DLG2: variants seen among roughly 807,000 people sequenced by gnomAD.
The protein encoded by DLG2 is disks large homolog 2.
In DLG2, 45 loss-of-function variants were observed where a neutral mutation model predicts 132.5. The observed-to-expected ratio is 0.34, with a 90% CI of 0.27 to 0.44. DLG2 has a LOEUF of 0.44. Ranked by LOEUF, DLG2 falls within the 20% of genes least tolerant of loss-of-function variation. DLG2 has a pLI of 1.00. For missense variants in DLG2, 1,045 were observed against 1,196.9 expected, an observed-to-expected ratio of 0.87 and a Z score of 1.87; for synonymous variants, 424 against 419.6, an observed-to-expected ratio of 1.01 and a Z score of -0.13.
rs912082995 is a variant in DLG2, at chr11:83,461,911, G to T, written c.2821+91C>A. The T allele has an allele frequency of 4.2e-5, 36 of 847,744 alleles. No individual in the cohort carries two copies. The African/African-American group carries it at 5.7e-4, about 13-fold the overall frequency. The allele number at this position is 847,744 out of a possible 1,614,324, so 52.5% of individuals were successfully genotyped here. A position where few individuals can be genotyped will look rare whatever the true frequency, so the allele number is the denominator to read the frequency against. On this transcript the variant is annotated intron_variant, in intron 27 of 27. Coordinates refer to ENST00000376104, the MANE Select transcript of DLG2 (RefSeq NM_001142699.3). ...GGATTCTCAACAGGAAGGTTTTAGG[G>T]CACAAGTACACCAGGCCCAGAACCC... is the stretch of plus-strand genomic sequence containing the variant.
intron 4 of DLG2, among the ~76,000 whole-genome samples, chr11:85,223,159 T>G (rs974183777): frequency 6.6e-6 from 1 of 152,154 alleles, no homozygotes; most frequent in African/African-American, 2.4e-5. Flanking sequence ...GTATAATCTA[T>G]TAAAAGTAGC....
chr11:85,254,425 T>C (rs1565220963), intron 4 of DLG2, among the ~76,000 whole-genome samples: 2 of 152,212 alleles, frequency 1.3e-5, no homozygotes, highest in South Asian at 4.1e-4. Context: ...AGCCCAGTCT[T>C]ACCTTTGTGT....
chr11:85,042,893 A>C (rs186697695), intron 6 of DLG2, among the ~76,000 whole-genome samples: 15 of 152,064 alleles, frequency 9.9e-5, no homozygotes, highest in Non-Finnish European at 1.3e-4. Flanking sequence ...GAAAATAACC[A>C]ATCAGAGTCT....
At chr11:85,036,982 G>A (rs2061485634) in intron 6 of DLG2, among the ~76,000 whole-genome samples, 1 of 152,160 alleles carries the variant, frequency 6.6e-6, no homozygotes, top group African/African-American at 2.4e-5. Flanking sequence ...CCAGGACTTA[G>A]ATTAGTCTGT....
chr11:83,735,401 G>A (rs1426803739), intron 18 of DLG2, among the ~76,000 whole-genome samples: 6 of 152,172 alleles, frequency 3.9e-5, no homozygotes, highest in African/African-American at 7.2e-5. Flanking sequence ...CAGTTTGGGG[G>A]CAAGATGCTT....
intron 7 of DLG2, among the ~76,000 whole-genome samples, chr11:84,508,652 G>A (rs999159507): frequency 3.9e-5 from 6 of 151,964 alleles, no homozygotes; most frequent in Non-Finnish European, 5.9e-5. Flanking sequence ...CACTCGCCTC[G>A]GCCTCCCAAA....
intron 17 of DLG2, among the ~76,000 whole-genome samples, chr11:83,833,321 T>G (rs927855676): frequency 8.5e-5 from 13 of 152,088 alleles, no homozygotes; most frequent in Non-Finnish European, 1.5e-4. Context: ...AGCTATAATC[T>G]CAGCTACTCA....
intron 18 of DLG2, among the ~76,000 whole-genome samples, chr11:83,716,796 G>T (rs2086809740): frequency 6.6e-6 from 1 of 151,958 alleles, no homozygotes; most frequent in South Asian, 2.1e-4. Context: ...AATGTATTTG[G>T]TTTTTTATAA....
At chr11:85,571,763 G>A (rs2077855782) in intron 3 of DLG2, among the ~76,000 whole-genome samples, 1 of 152,108 alleles carries the variant, frequency 6.6e-6, no homozygotes. Flanking sequence ...GTTATCTATT[G>A]CATCCAATGA....
chr11:85,466,223 C>G (rs569608355), intron 3 of DLG2, among the ~76,000 whole-genome samples: 2 of 152,024 alleles, frequency 1.3e-5, no homozygotes, highest in Non-Finnish European at 2.9e-5. Flanking sequence ...CTTTGTCAGA[C>G]GAGTAAATTG....
intron 3 of DLG2, among the ~76,000 whole-genome samples, chr11:85,324,162 T>C (rs2081277578): frequency 6.6e-6 from 1 of 152,204 alleles, no homozygotes. Flanking sequence ...ACATGGCTTC[T>C]CTGAATTATG....
chr11:85,277,330 G>A (rs1395115510), intron 4 of DLG2, among the ~76,000 whole-genome samples: 2 of 152,120 alleles, frequency 1.3e-5, no homozygotes, highest in Non-Finnish European at 2.9e-5. Flanking sequence ...GGAGAGGAAG[G>A]TCAAACATAG....
chr11:83,613,315 T>G lies in DLG2; in HGVS notation c.1940+19896A>C, dbSNP rs1317076133. On this transcript the variant is annotated intron_variant, in intron 19 of 27. Coordinates refer to ENST00000376104, the MANE Select transcript of DLG2 (RefSeq NM_001142699.3). ...GCCCAGTCATTGCTATATACACATG[T>G]GCACACACACATATGCGCACACTCA... 2.0e-5 allele frequency among the ~76,000 whole-genome samples: 3 copies of G among 152,216 alleles called. No homozygotes were observed. In the East Asian group the frequency reaches 5.8e-4, roughly 29 times the overall value.
intron 6 of DLG2, among the ~76,000 whole-genome samples, chr11:84,705,760 T>C (rs1158755641): frequency 6.6e-6 from 1 of 151,774 alleles, no homozygotes; most frequent in Non-Finnish European, 1.5e-5. Flanking sequence ...CAGTAGAAAT[T>C]ATATGCAGAT....
At chr11:85,331,533 C>G (rs2081746512) in intron 3 of DLG2, among the ~76,000 whole-genome samples, 1 of 152,044 alleles carries the variant, frequency 6.6e-6, no homozygotes, top group Admixed American at 6.6e-5. Flanking sequence ...TTGCATGCCA[C>G]TGGGATTTAG....
intron 11 of DLG2, among the ~76,000 whole-genome samples, chr11:83,999,674 C>A (rs982706773): frequency 6.6e-6 from 1 of 152,098 alleles, no homozygotes; most frequent in African/African-American, 2.4e-5. Flanking sequence ...GCTTGGCATC[C>A]CACTCCCCAG....
At position 85,473,748 on chromosome 11, in the gene DLG2, A is replaced by C. The variant is rs368559217; in HGVS notation, c.40+124909T>G. Reference sequence around the variant, plus strand: ...TAGACTTGTAGAAAAAAATACATAAATATTGGTTAAATTTAGAATTTATTG... The same window carrying C: ...TAGACTTGTAGAAAAAAATACATAACTATTGGTTAAATTTAGAATTTATTG... On this transcript the variant is annotated intron_variant, in intron 3 of 27. Transcript: ENST00000376104. Among the ~76,000 whole-genome samples the C allele has an allele frequency of 4.9e-4, 75 of 152,236 alleles. No homozygotes were observed. The South Asian group carries it at 0.015, about 31-fold the overall frequency.
intron 18 of DLG2, among the ~76,000 whole-genome samples, chr11:83,656,766 A>G (rs1008910561): frequency 6.6e-6 from 1 of 152,194 alleles, no homozygotes; most frequent in African/African-American, 2.4e-5. Context: ...TAAAATATTA[A>G]TATGTGAAAC....
At chr11:84,424,823 C>T (rs1211833910) in intron 7 of DLG2, among the ~76,000 whole-genome samples, 1 of 151,946 alleles carries the variant, frequency 6.6e-6, no homozygotes, top group Admixed American at 6.6e-5. Context: ...GAACAGGGCT[C>T]AGTGAATGAA....
Sources: allele counts gnomAD v4.1 joint callset (sites outside exome capture counted in the v4.1 genomes callset), GRCh38; gene constraint gnomAD v4.1.1; transcripts MANE v1.5; gene names NCBI Gene and HGNC (gene_info 2026-07-23, HGNC 2026-07-21).